The following QSER1 variants were observed in gnomAD, a reference collection of about 807,000 sequenced individuals.
QSER1 encodes the protein glutamine and serine-rich protein 1.
A neutral mutation model predicts 158.5 loss-of-function variants in QSER1; 49 were observed. The ratio of observed to expected loss-of-function variants is 0.31; its 90% CI spans 0.25 to 0.39. The LOEUF is 0.39. QSER1 is among the 10% of genes least tolerant of loss of function. The pLI, the probability that QSER1 is intolerant of heterozygous loss-of-function variation, is 1.00. For synonymous variants in QSER1, 650 were observed against 715.5 expected, an observed-to-expected ratio of 0.91 and a Z score of 1.46; for missense variants, 1,754 against 2,010.3, an observed-to-expected ratio of 0.87 and a Z score of 2.44.
chr11:32,954,183 A>C lies in QSER1; in HGVS notation c.4500+4A>C. On this transcript the variant is annotated splice_donor_region_variant and intron_variant, in intron 5 of 12. Coordinates refer to ENST00000650167, the MANE Select transcript of QSER1 (RefSeq NM_001076786.3). ...AGAAGACATAGAGACTTTTAAGGTG[A>C]TGTCAGTGTTCACCAGTGTAAAGGT... The C allele has an allele frequency of 6.2e-7, 1 of 1,609,356 alleles. No individual in the cohort carries two copies. Among genetic ancestry groups the C allele is most frequent in the South Asian group, 1.1e-5 (1 of 90,722 alleles).
rs952471849 is a variant in QSER1, at chr11:32,979,847, G to C, written c.*3373G>C. 1 of 152,110 alleles carries C rather than the reference G, an allele frequency of 6.6e-6. No individual in the cohort carries two copies. Among genetic ancestry groups the C allele is most frequent in the Non-Finnish European group, 1.5e-5 (1 of 68,006 alleles). 9.4% of individuals were successfully genotyped at this position (152,110 alleles called of 1,614,324 possible). A position where few individuals can be genotyped will look rare whatever the true frequency, so the allele number is the denominator to read the frequency against. Reference sequence around the variant, plus strand: ...TATTGAAGCAGCTTTCTCAAATGTTGCTTCAGATGTGCAAGTTGCAAATTT... The same window carrying C: ...TATTGAAGCAGCTTTCTCAAATGTTCCTTCAGATGTGCAAGTTGCAAATTT... On this transcript the variant is annotated 3_prime_UTR_variant, in exon 13 of 13. Coordinates refer to ENST00000650167, the MANE Select transcript of QSER1 (RefSeq NM_001076786.3).
At position 32,920,765 on chromosome 11, in the gene QSER1, C is replaced by G. The variant is rs114940114; in HGVS notation, c.210-6392C>G. On this transcript the variant is annotated intron_variant, in intron 1 of 12. Coordinates refer to ENST00000650167, the MANE Select transcript of QSER1 (RefSeq NM_001076786.3). ...AGTAAGCACATGCAGAGATGCTGTA[C>G]ATTATTAGTCATAATGAGGTAAATG... is the stretch of plus-strand genomic sequence containing the variant. Among the ~76,000 whole-genome samples, 554 of 152,218 alleles carry G rather than the reference C, an allele frequency of 3.6e-3. 1 individual carries two copies. The highest frequency in any genetic ancestry group is 0.013 in the African/African-American group (524 of 41,538).
At chr11:32,930,367 T>C (rs1001950992) in intron 3 of QSER1, among the ~76,000 whole-genome samples, 1 of 152,350 alleles carries the variant, frequency 6.6e-6, no homozygotes, top group Non-Finnish European at 1.5e-5. Context: ...TTATTTATTC[T>C]TTCAAGTGCC....
chr11:32,974,322 G>A lies in QSER1; in HGVS notation c.5358+773G>A, dbSNP rs575752121. ...TGCACCTGTAGTCCTAGCTACTTGA[G>A]AAGCTGAGTGGGAGGATCGCTTGAG... is the stretch of plus-strand genomic sequence containing the variant. On this transcript the variant is annotated intron_variant, in intron 11 of 12. Transcript: ENST00000650167. 5.5e-4 allele frequency among the ~76,000 whole-genome samples: 83 copies of A among 152,032 alleles called. 1 individual carries two copies. The South Asian group carries it at 0.011, about 20-fold the overall frequency.
At chr11:32,968,894 A>T in intron 9 of QSER1, 152 bp from the exon 10 acceptor site, 1 of 528,350 alleles carries the variant, frequency 1.9e-6, no homozygotes, top group Non-Finnish European at 3.2e-6. Context: ...CTTTGTTCAG[A>T]AAGCTTCATG....
At chr11:32,905,443 A>G (rs1244691300) in intron 1 of QSER1, among the ~76,000 whole-genome samples, 2 of 152,252 alleles carry the variant, frequency 1.3e-5, no homozygotes, top group African/African-American at 2.4e-5. Context: ...ACTTCAAGTC[A>G]GAGTTTGATT....
chr11:32,895,716 C>T (rs1401208723), intron 1 of QSER1, among the ~76,000 whole-genome samples: 1 of 152,190 alleles, frequency 6.6e-6, no homozygotes, highest in Non-Finnish European at 1.5e-5. Flanking sequence ...CAGAAGCTGA[C>T]AGATGGTAAT....
chr11:32,932,725 T>C lies in QSER1; in HGVS notation c.1467T>C (p.Val489=). The C allele has an allele frequency of 6.2e-7, 1 of 1,614,154 alleles. No homozygotes were observed. Among genetic ancestry groups the C allele is most frequent in the Non-Finnish European group, 8.5e-7 (1 of 1,180,008 alleles). Reference sequence around the variant, plus strand: ...TGCCATCTATTGTTCATTCACAGGTTTATAGGTCCAGCAAGGTTGAGAAAT... The same window carrying C: ...TGCCATCTATTGTTCATTCACAGGTCTATAGGTCCAGCAAGGTTGAGAAAT... ...HNVPSIVHSQ[V]YRSSKVEKLP... is the part of the protein sequence containing the mutation. The change falls in exon 4 of 13, where the codon GTT becomes GTC. Residue 489 remains valine, a synonymous_variant. Transcript: ENST00000650167.
chr11:32,901,723 G>C (rs1213504822), intron 1 of QSER1, among the ~76,000 whole-genome samples: 1 of 152,226 alleles, frequency 6.6e-6, no homozygotes, highest in East Asian at 1.9e-4. Context: ...CTGTACCACA[G>C]AGCGTTGGTA....
intron 4 of QSER1, among the ~76,000 whole-genome samples, chr11:32,952,874 C>A (rs1256834621): frequency 6.8e-6 from 1 of 147,652 alleles, no homozygotes; most frequent in Non-Finnish European, 1.5e-5. Context: ...ACAGTCTTGG[C>A]TCACTGCAAT....
At chr11:32,941,372 A>C (rs1852231362) in intron 4 of QSER1, among the ~76,000 whole-genome samples, 5 of 118,022 alleles carry the variant, frequency 4.2e-5, no homozygotes, top group East Asian at 2.9e-4. Flanking sequence ...TCCCAATGCT[A>C]TCCCTCCCCC....
At chr11:32,956,460 A>C (rs1344870625) in intron 7 of QSER1, among the ~76,000 whole-genome samples, 1 of 152,162 alleles carries the variant, frequency 6.6e-6, no homozygotes, top group Non-Finnish European at 1.5e-5. Context: ...TTCATCTATA[A>C]AATGTAAATA....
At chr11:32,910,060 T>C (rs1174704296) in intron 1 of QSER1, among the ~76,000 whole-genome samples, 2 of 152,222 alleles carry the variant, frequency 1.3e-5, no homozygotes, top group East Asian at 3.8e-4. Flanking sequence ...TTCCACGATC[T>C]CCTACTGCTC....
intron 11 of QSER1, 60 bp downstream of exon 11, chr11:32,973,609 C>A: frequency 6.9e-7 from 1 of 1,446,642 alleles, no homozygotes; most frequent in Admixed American, 2.2e-5. Context: ...ACAATTCCTA[C>A]TTAAAACATT....
At chr11:32,898,445 CA>C (rs1235178909) in intron 1 of QSER1, among the ~76,000 whole-genome samples, 1 of 150,998 alleles carries the variant, frequency 6.6e-6, no homozygotes, top group Non-Finnish European at 1.5e-5. Flanking sequence ...GTGATGGTGC[CA>C]CTGCACTTCA....
intron 1 of QSER1, among the ~76,000 whole-genome samples, chr11:32,908,507 C>CT (rs1564926750): frequency 6.6e-6 from 1 of 152,152 alleles, no homozygotes; most frequent in Non-Finnish European, 1.5e-5. Context: ...TTCCATACTA[C>CT]TAATTTGACC....
intron 1 of QSER1, among the ~76,000 whole-genome samples, chr11:32,909,818 TGGGGGGG>T (rs201767447): frequency 6.6e-6 from 1 of 151,704 alleles, no homozygotes; most frequent in Non-Finnish European, 1.5e-5. Context: ...GTCGTGTGTA[TGGGGGGG>T]GTGTGGTCAT....
At position 32,934,402 on chromosome 11, in the gene QSER1, T is replaced by A. The variant is rs1852106259; in HGVS notation, c.3144T>A (p.Thr1048=). Residue 1048 remains threonine, a synonymous_variant, in exon 4 of 13, where the codon ACT becomes ACA. Coordinates refer to ENST00000650167, the MANE Select transcript of QSER1 (RefSeq NM_001076786.3). Reference sequence around the variant, plus strand: ...GAAAGCCACAGAATATAAATGATACTTCCTTAAATGGAAATCAGGTTACTG... The same window carrying A: ...GAAAGCCACAGAATATAAATGATACATCCTTAAATGGAAATCAGGTTACTG... The part of the protein sequence containing the change: ...TVGKPQNIND[T]SLNGNQVTVN... The A allele has an allele frequency of 1.9e-6, 3 of 1,613,816 alleles. No individual in the cohort carries two copies. In the East Asian group the frequency reaches 6.7e-5, roughly 36 times the overall value.
chr11:32,934,000 A>C lies in QSER1; in HGVS notation c.2742A>C (p.Gln914His). The part of the protein sequence containing the change: ...IQSNGDHSQQ[Q>H]LHPQNSEVMK... ...GCAATGGTGATCATTCTCAGCAGCA[A>C]CTCCATCCTCAAAATTCTGAAGTTA... The change falls in exon 4 of 13, where the codon CAA becomes CAC. Residue 914 changes from glutamine (Q) to histidine (H), a missense_variant. Around this residue, in one of 2 missense-constraint regions of QSER1, gnomAD observed 1,707 missense variants for 1,919.6 expected, o/e 0.89. Transcript: ENST00000650167. 2 of 1,613,666 alleles carry C rather than the reference A, an allele frequency of 1.2e-6. No homozygotes were observed. Among genetic ancestry groups the C allele is most frequent in the Non-Finnish European group, 8.5e-7 (1 of 1,179,874 alleles).
Sources: allele counts gnomAD v4.1 joint callset (sites outside exome capture counted in the v4.1 genomes callset), GRCh38; gene constraint gnomAD v4.1.1; regional missense constraint gnomAD v4.1.1; transcripts MANE v1.5; gene names NCBI Gene and HGNC (gene_info 2026-07-23, HGNC 2026-07-21).